Variants in PLD5 observed in about 807,000 individuals in gnomAD.
The protein encoded by PLD5 is phospholipase D family member 5.
In PLD5, 36 loss-of-function variants were observed where a neutral mutation model predicts 61.1. The observed-to-expected ratio is 0.59, with a 90% CI of 0.45 to 0.78. The LOEUF (loss-of-function observed/expected upper bound fraction) is 0.78, where lower values mean the gene tolerates loss of function less well. Ranked by LOEUF, PLD5 falls within the 30% of genes least tolerant of loss-of-function variation. The pLI is 0.00. For synonymous variants in PLD5, 243 were observed against 242.8 expected, an observed-to-expected ratio of 1.00 and a Z score of -0.01; for missense variants, 515 against 644.4, an observed-to-expected ratio of 0.80 and a Z score of 2.17.
At chr1:242,181,660 T>TTA (rs1251575394) in intron 5 of PLD5, among the ~76,000 whole-genome samples, 1 of 150,452 alleles carries the variant, frequency 6.6e-6, no homozygotes, top group African/African-American at 2.4e-5. Flanking sequence ...TTCAATGGTT[T>TTA]TTTTTTGTTT....
intron 1 of PLD5, among the ~76,000 whole-genome samples, chr1:242,368,463 G>C (rs1661459218): frequency 6.6e-6 from 1 of 152,186 alleles, no homozygotes; most frequent in Admixed American, 6.5e-5. Context: ...CTCTGCTACA[G>C]AGAGGGGTCC....
chr1:242,297,400 AGACTTTT>A (rs1675737655), intron 2 of PLD5, among the ~76,000 whole-genome samples: 3 of 64,318 alleles, frequency 4.7e-5, no homozygotes, highest in African/African-American at 1.1e-4. Context: ...TCACCCTTCA[AGACTTTT>A]TTTTTTTTTT....
intron 5 of PLD5, chr1:242,210,884 T>C (rs316854): frequency 0.85 from 130,094 of 152,260 alleles, 56,000 homozygotes; most frequent in African/African-American, 0.95. Flanking sequence ...ACAATATTCC[T>C]GTAAGCCAAA....
chr1:242,506,389 G>A (rs1383603541), intron 1 of PLD5, among the ~76,000 whole-genome samples: 1 of 152,152 alleles, frequency 6.6e-6, no homozygotes, highest in Non-Finnish European at 1.5e-5. Flanking sequence ...GGAAGAAGAT[G>A]AACTTCCCAG....
At chr1:242,186,392 A>C (rs564996099) in intron 5 of PLD5, among the ~76,000 whole-genome samples, 53 of 152,294 alleles carry the variant, frequency 3.5e-4, no homozygotes, top group African/African-American at 1.2e-3. Flanking sequence ...CATGTTGGTC[A>C]GGCTGGTCTT....
chr1:242,264,183 G>T (rs1673524518), intron 4 of PLD5, among the ~76,000 whole-genome samples: 1 of 152,056 alleles, frequency 6.6e-6, no homozygotes, highest in Admixed American at 6.5e-5. Context: ...TAAAAAATAG[G>T]AAAAGTAAGA....
intron 1 of PLD5, among the ~76,000 whole-genome samples, chr1:242,435,857 T>C (rs5007349): frequency 0.26 from 40,173 of 152,102 alleles, 6,693 homozygotes; most frequent in African/African-American, 0.47. Context: ...AGATAAATCA[T>C]CTACCACTAC....
chr1:242,270,085 T>C (rs993867270), intron 3 of PLD5, among the ~76,000 whole-genome samples: 4 of 151,584 alleles, frequency 2.6e-5, no homozygotes, highest in African/African-American at 9.7e-5. Context: ...CAAAGTCATG[T>C]TAGAGAAACT....
intron 1 of PLD5, among the ~76,000 whole-genome samples, chr1:242,449,943 C>A (rs1156475068): frequency 6.6e-6 from 1 of 152,160 alleles, no homozygotes; most frequent in Non-Finnish European, 1.5e-5. Flanking sequence ...TGTGGCGTAG[C>A]GCTGTCAAAT....
chr1:242,397,817 C>T (rs1244288122), intron 1 of PLD5, among the ~76,000 whole-genome samples: 5 of 148,932 alleles, frequency 3.4e-5, no homozygotes, highest in African/African-American at 5.0e-5. Context: ...CAACATCTCT[C>T]AGAGTTCCTA....
At chr1:242,265,046 C>T (rs1673584510) in intron 4 of PLD5, among the ~76,000 whole-genome samples, 1 of 152,176 alleles carries the variant, frequency 6.6e-6, no homozygotes, top group Admixed American at 6.5e-5. Context: ...TCTGTAATCA[C>T]ACCGTTGAAG....
chr1:242,282,455 G>T (rs1203240242), intron 3 of PLD5, among the ~76,000 whole-genome samples: 1 of 152,062 alleles, frequency 6.6e-6, no homozygotes, highest in Non-Finnish European at 1.5e-5. Context: ...GGATCACCGA[G>T]CTCTTATGCT....
intron 3 of PLD5, among the ~76,000 whole-genome samples, chr1:242,276,951 T>C (rs1479005679): frequency 5.9e-5 from 9 of 151,998 alleles, no homozygotes; most frequent in Admixed American, 4.6e-4. Flanking sequence ...CAGGGACAGA[T>C]GAAGAGAGAT....
At chr1:242,119,534 T>A (rs1180230317) in intron 6 of PLD5, among the ~76,000 whole-genome samples, 7 of 152,144 alleles carry the variant, frequency 4.6e-5, no homozygotes, top group Admixed American at 4.6e-4. Context: ...GGCAAAAGAT[T>A]TCATATTTGA....
At position 242,274,223 on chromosome 1, in the gene PLD5, G is replaced by C. The variant is rs191567348; in HGVS notation, c.496-8775C>G. Among the ~76,000 whole-genome samples, 4 of 152,312 alleles carry C rather than the reference G, an allele frequency of 2.6e-5. No homozygotes were observed. The East Asian group carries it at 7.7e-4, about 29-fold the overall frequency. ...ATAAATATTTGCTACACAAATGAGA[G>C]ATGAAGGGATAATAGCTGTACTCTA... On this transcript the variant is annotated intron_variant, in intron 3 of 9. Coordinates refer to ENST00000536534, the MANE Select transcript of PLD5 (RefSeq NM_001372062.1).
intron 1 of PLD5, among the ~76,000 whole-genome samples, chr1:242,519,317 G>A (rs2103010396): frequency 6.6e-6 from 1 of 152,284 alleles, no homozygotes; most frequent in South Asian, 2.1e-4. Context: ...ATTTATTCCA[G>A]GAGGCAAGTG....
intron 4 of PLD5, among the ~76,000 whole-genome samples, chr1:242,229,191 A>C (rs1193463955): frequency 6.6e-6 from 1 of 152,210 alleles, no homozygotes; most frequent in African/African-American, 2.4e-5. Context: ...GCACAAAAGA[A>C]AACATGCTAG....
rs12075820 is a variant in PLD5, at chr1:242,268,313, C to T, written c.496-2865G>A. Among the ~76,000 whole-genome samples the T allele has an allele frequency of 6.5e-3, 997 of 152,240 alleles. 13 individuals are homozygous for T. The highest frequency in any genetic ancestry group is 0.022 in the African/African-American group (934 of 41,522). On this transcript the variant is annotated intron_variant, in intron 3 of 9. Coordinates refer to ENST00000536534, the MANE Select transcript of PLD5 (RefSeq NM_001372062.1). ...ACACAAACAAACACTTCGTGTGTTC[C>T]GTAAGGCCCCATGGTCAGTGGGCCA... is the stretch of plus-strand genomic sequence containing the variant.
chr1:242,391,773 G>T (rs964080111), intron 1 of PLD5, among the ~76,000 whole-genome samples: 1 of 152,184 alleles, frequency 6.6e-6, no homozygotes. Flanking sequence ...ATGTTTTGGG[G>T]AGCAGTTAGG....
Sources: allele counts gnomAD v4.1 joint callset (sites outside exome capture counted in the v4.1 genomes callset), GRCh38; gene constraint gnomAD v4.1.1; transcripts MANE v1.5; gene names NCBI Gene and HGNC (gene_info 2026-07-23, HGNC 2026-07-21).